Variants in OR1J2 observed in about 807,000 individuals in gnomAD.
OR1J2 encodes the protein olfactory receptor family 1 subfamily J member 2, also known as olfactory receptor 1J2.
For missense variants in OR1J2, 304 were observed against 246.1 expected, an observed-to-expected ratio of 1.24 and a Z score of -1.57; for synonymous variants, 142 against 99.7, an observed-to-expected ratio of 1.42 and a Z score of -2.52.
At chr9:122,473,948 G>A in the OR1J2 span, among the ~76,000 whole-genome samples, 4 of 152,246 alleles carry the variant, frequency 2.6e-5, no homozygotes, top group East Asian at 1.9e-4. Context: ...TCTATTAGCC[G>A]AGCAAGATGG....
chr9:122,524,991 A>C, the OR1J2 span, among the ~76,000 whole-genome samples: 2 of 152,150 alleles, frequency 1.3e-5, no homozygotes, highest in African/African-American at 4.8e-5. Context: ...GGAGACTGTC[A>C]GTGGTCTTTG....
chr9:122,515,123 AG>A (rs1349313664), downstream of OR1J2, among the ~76,000 whole-genome samples: 1 of 152,102 alleles, frequency 6.6e-6, no homozygotes, highest in Non-Finnish European at 1.5e-5. Context: ...CCTGGTGGGT[AG>A]AATAGACTTG....
the OR1J2 span, among the ~76,000 whole-genome samples, chr9:122,575,134 T>C: frequency 6.6e-6 from 1 of 152,116 alleles, no homozygotes; most frequent in Non-Finnish European, 1.5e-5. Flanking sequence ...TGTATGTTTA[T>C]GAGAGATACA....
At chr9:122,551,790 C>G in the OR1J2 span, among the ~76,000 whole-genome samples, 7 of 152,122 alleles carry the variant, frequency 4.6e-5, no homozygotes, top group East Asian at 1.4e-3. Context: ...GTTCTAGGAG[C>G]CTTTATAACC....
the OR1J2 span, among the ~76,000 whole-genome samples, chr9:122,531,680 AC>A: frequency 6.6e-6 from 1 of 152,168 alleles, no homozygotes; most frequent in Non-Finnish European, 1.5e-5. Context: ...AGTCTGTTCT[AC>A]CTTTCCTGAA....
At chr9:122,451,540 TA>T in the OR1J2 span, among the ~76,000 whole-genome samples, 4 of 152,212 alleles carry the variant, frequency 2.6e-5, no homozygotes, top group African/African-American at 9.6e-5. Context: ...TGTCACTTTT[TA>T]AAAGCTAAAT....
the OR1J2 span, among the ~76,000 whole-genome samples, chr9:122,577,912 GTTAA>G: frequency 6.6e-6 from 1 of 152,084 alleles, no homozygotes; most frequent in East Asian, 1.9e-4. Flanking sequence ...TCAATATGTG[GTTAA>G]TTAATTATTT....
the OR1J2 span, chr9:122,568,416 C>T: frequency 1.2e-5 from 19 of 1,613,102 alleles, no homozygotes; most frequent in African/African-American, 2.7e-5. Context: ...GTCCTCAGGC[C>T]GGGAGGAGAG....
chr9:122,557,633 A>G, the OR1J2 span, among the ~76,000 whole-genome samples: 1 of 152,050 alleles, frequency 6.6e-6, no homozygotes, highest in Non-Finnish European at 1.5e-5. Context: ...GGATTTTTAC[A>G]TCCATATTCA....
At chr9:122,532,422 G>A in the OR1J2 span, among the ~76,000 whole-genome samples, 4 of 152,072 alleles carry the variant, frequency 2.6e-5, no homozygotes, top group Non-Finnish European at 5.9e-5. Flanking sequence ...GAGAAACAGG[G>A]AAGAAGGAAA....
the OR1J2 span, among the ~76,000 whole-genome samples, chr9:122,495,206 ACTT>A: frequency 6.6e-6 from 1 of 152,012 alleles, no homozygotes; most frequent in Non-Finnish European, 1.5e-5. Flanking sequence ...TATTCTTTGA[ACTT>A]CTTATATTTG....
the OR1J2 span, among the ~76,000 whole-genome samples, chr9:122,472,193 T>A: frequency 6.6e-6 from 1 of 152,142 alleles, no homozygotes; most frequent in Non-Finnish European, 1.5e-5. Context: ...CTGTATGTTC[T>A]CCCCCTGGAT....
chr9:122,526,600 C>T, the OR1J2 span: 4 of 1,614,070 alleles, frequency 2.5e-6, no homozygotes, highest in South Asian at 4.4e-5. Flanking sequence ...GCCTTGCCCA[C>T]CCCACCACGG....
chr9:122,527,144 G>A, the OR1J2 span: 1 of 1,614,224 alleles, frequency 6.2e-7, no homozygotes, highest in Non-Finnish European at 8.5e-7. Context: ...GGAGGTGCAG[G>A]TCAGAGCCAA....
chr9:122,578,539 T>C, the OR1J2 span: 1 of 151,428 alleles, frequency 6.6e-6, no homozygotes, highest in Non-Finnish European at 1.5e-5. Flanking sequence ...TGCAAAAATA[T>C]GGAACCAGCC....
At chr9:122,486,131 T>C in the OR1J2 span, among the ~76,000 whole-genome samples, 1 of 152,032 alleles carries the variant, frequency 6.6e-6, no homozygotes, top group African/African-American at 2.4e-5. Flanking sequence ...AGGCCAATTT[T>C]TGTATTTTTA....
At chr9:122,506,677 A>G (rs1015039387), upstream of OR1J2, among the ~76,000 whole-genome samples, 1 of 152,148 alleles carries the variant, frequency 6.6e-6, no homozygotes, top group African/African-American at 2.4e-5. Context: ...TAGACGAGGA[A>G]GAAACAGAAG....
At chr9:122,480,886 C>G in the OR1J2 span, among the ~76,000 whole-genome samples, 1 of 152,206 alleles carries the variant, frequency 6.6e-6, no homozygotes, top group East Asian at 1.9e-4. Flanking sequence ...CCTCTGCCTC[C>G]CGGGTTCAAG....
In OR1J2 at chr9:122,511,294, C is replaced by T. The variant is rs112619503; in HGVS notation, c.493C>T (p.Arg165Trp). 3.4e-4 allele frequency: 247 copies of T among 735,364 alleles called. 1 individual carries two copies. In the East Asian group the frequency reaches 4.1e-3, roughly 12 times the overall value. The allele number at this position is 735,364 out of a possible 1,614,324, so 45.6% of individuals were successfully genotyped here. A position where few individuals can be genotyped will look rare whatever the true frequency, so the allele number is the denominator to read the frequency against. Residue 165 changes from arginine to tryptophan, a missense_variant, in exon 1 of 1, where the codon CGG becomes TGG. Transcript: ENST00000335302. ...SSLSHTLLLT[R>W]LSFCAANTIP... ...CCTCTCTCACACCCTTCTCCTGACC[C>T]GGCTGTCTTTCTGTGCTGCGAACAC...
Sources: gnomAD v4.1 joint callset for allele counts (sites outside exome capture counted in the v4.1 genomes callset) on GRCh38, gnomAD v4.1.1 for gene constraint, MANE v1.5 for transcripts, NCBI Gene and HGNC (gene_info 2026-07-23, HGNC 2026-07-21) for gene names.